COL18A1: variants seen among roughly 807,000 people sequenced by gnomAD.
The protein encoded by COL18A1 is collagen alpha-1(XVIII) chain.
COL18A1 carries 133 observed loss-of-function variants against 168.0 expected under a neutral mutation model. The ratio of observed to expected loss-of-function variants is 0.79; its 90% CI spans 0.69 to 0.91. COL18A1 has a LOEUF of 0.91. Among genes scored for constraint, COL18A1 ranks in the 40% least tolerant of loss-of-function variants. COL18A1 has a pLI of 0.00. For missense variants in COL18A1, 2,126 were observed against 1,925.4 expected (o/e 1.10, Z -1.95); for synonymous variants, 949 against 809.0 (o/e 1.17, Z -2.94).
chr21:45,503,466 A>T (rs2036975277), intron 32 of COL18A1, among the ~76,000 whole-genome samples: 1 of 151,834 alleles, frequency 6.6e-6, no homozygotes, highest in African/African-American at 2.4e-5. Flanking sequence ...ATAAAAAATG[A>T]TGAGTTCATG....
At chr21:45,497,408 C>T (rs1431386488) in intron 31 of COL18A1, among the ~76,000 whole-genome samples, 191 bp from the exon 32 acceptor site, 1 of 152,250 alleles carries the variant, frequency 6.6e-6, no homozygotes, top group African/African-American at 2.4e-5. Context: ...TGGCCTGGCC[C>T]CCACATGGCC....
Position 45,484,029 on chromosome 21 carries a change from A to G in COL18A1, c.1701+1208A>G, listed in dbSNP as rs547266385. ...ACCTCTCCAGCATATGTACACATGC[A>G]CACACACACCTCTCCAGCATATGTA... On this transcript the variant is annotated intron_variant, in intron 15 of 41. Coordinates refer to ENST00000651438, the MANE Select transcript of COL18A1 (RefSeq NM_001379500.1). Among the ~76,000 whole-genome samples, 19 of 130,700 alleles carry G rather than the reference A, an allele frequency of 1.5e-4. No individual in the cohort carries two copies. The South Asian group carries it at 4.1e-3, about 28-fold the overall frequency. The allele number at this position is 130,700 out of a possible 152,430, so 85.7% of individuals were successfully genotyped here. A position where few individuals can be genotyped will look rare whatever the true frequency, so the allele number is the denominator to read the frequency against.
At chr21:45,409,086 G>T (rs1042747933) in intron 2 of COL18A1, among the ~76,000 whole-genome samples, 6 of 152,194 alleles carry the variant, frequency 3.9e-5, no homozygotes, top group African/African-American at 1.2e-4. Flanking sequence ...CCCACCCCCG[G>T]CATGGGGCAC....
At chr21:45,495,313 A>T in intron 28 of COL18A1, 45 bp from the exon 29 acceptor site, 2 of 1,508,662 alleles carry the variant, frequency 1.3e-6, no homozygotes, top group Non-Finnish European at 9.1e-7. Context: ...GGTGTCTGGT[A>T]ATCATCAGTG....
chr21:45,504,416 G>C lies in COL18A1; in HGVS notation c.2728G>C (p.Gly910Arg), dbSNP rs767090801. Residue 910 changes from glycine (G) to arginine (R), a missense_variant and splice_region_variant, in exon 34 of 42, where the codon GGG (glycine) becomes CGG (arginine). Gly to Arg is a moderately radical substitution (Grantham distance 125). Coordinates refer to ENST00000651438, the MANE Select transcript of COL18A1 (RefSeq NM_001379500.1). ...DFLQLEAEMK[G>R]EKGDRGDAGQ... is the part of the protein sequence containing the mutation. ...GTGTAACAAGTGTTTCCGTCCACAG[G>C]GGGAGAAGGGAGACCGAGGTGATGC... 9.3e-6 allele frequency: 15 copies of C among 1,611,328 alleles called. No homozygotes were observed. The highest frequency in any genetic ancestry group is 2.2e-5 in the East Asian group (1 of 44,864).
Position 45,504,429 on chromosome 21 carries a change from A to G in COL18A1, c.2741A>G (p.Asp914Gly). 1 of 1,611,568 alleles carries G rather than the reference A, an allele frequency of 6.2e-7. No homozygotes were observed. Among genetic ancestry groups the G allele is most frequent in the East Asian group, 2.2e-5 (1 of 44,846 alleles). The change falls in exon 34 of 42, where the codon GAC (aspartate) becomes GGC (glycine). Residue 914 changes from aspartate (D) to glycine (G), a missense_variant. Transcript: ENST00000651438. ...LEAEMKGEKG[D>G]RGDAGQKGER... is the part of the protein sequence containing the mutation. ...TTCCGTCCACAGGGGGAGAAGGGAGACCGAGGTGATGCAGGACAGAAAGGC... is the reference window on the plus strand; with the variant it reads ...TTCCGTCCACAGGGGGAGAAGGGAGGCCGAGGTGATGCAGGACAGAAAGGC...
chr21:45,480,966 C>A, intron 13 of COL18A1, 108 bp downstream of exon 13: 1 of 1,438,834 alleles, frequency 7.0e-7, no homozygotes, highest in East Asian at 2.5e-5. Context: ...CCAGTCCCCG[C>A]CTCCTCACCT....
intron 36 of COL18A1, 72 bp downstream of exon 36, chr21:45,505,503 G>A: frequency 2.5e-6 from 2 of 815,532 alleles, no homozygotes; most frequent in Non-Finnish European, 4.1e-6. Context: ...CTGCCCCTCA[G>A]AGACACTCTC....
rs547371886 is a variant in COL18A1 at position 45,485,856 on chromosome 21, G to A, written c.1702-1005G>A. 2.8e-4 allele frequency among the ~76,000 whole-genome samples: 42 copies of A among 152,354 alleles called. 1 individual carries two copies. Among genetic ancestry groups the A allele is most frequent in the Middle Eastern group, 3.4e-3 (1 of 294 alleles). On this transcript the variant is annotated intron_variant, in intron 15 of 41. Transcript: ENST00000651438. ...GGGCCTGTGACCATATCAAGGCAGCGGGTCACATTCCTGCCCCATTTGTGG... is the reference window on the plus strand; with the variant it reads ...GGGCCTGTGACCATATCAAGGCAGCAGGTCACATTCCTGCCCCATTTGTGG...
intron 3 of COL18A1, 39 bp downstream of exon 3, chr21:45,468,825 CTGGGATGGGG>C: frequency 1.5e-6 from 1 of 651,690 alleles, no homozygotes; most frequent in Non-Finnish European, 2.6e-6. Flanking sequence ...ACTGGAGCAG[CTGGGATGGGG>C]TGGGGTGGGG....
rs1165171269 is a variant in COL18A1 at position 45,512,433 on chromosome 21, G to A, written c.*35G>A. ...GGATGCGGATGGCCGGAGAGGACCG[G>A]CGGCTCGGAGGAAGCCCCCACCGTG... On this transcript the variant is annotated 3_prime_UTR_variant, in exon 42 of 42. Transcript: ENST00000651438. The A allele has an allele frequency of 1.3e-6, 2 of 1,594,140 alleles. No individual in the cohort carries two copies. The highest frequency in any genetic ancestry group is 1.7e-6 in the Non-Finnish European group (2 of 1,171,016).
Position 45,509,403 on chromosome 21 carries a change from C to T in COL18A1, c.3297C>T (p.Asp1099=). The change falls in exon 39 of 42, where the codon GAC becomes GAT. Residue 1099 remains aspartate (D), a synonymous_variant. Transcript: ENST00000651438. The part of the protein sequence containing the change: ...ALQPPVVQLH[D]SNPYPRREHP... ...AGCCCCCCGTGGTGCAGCTGCACGACAGCAACCCCTACCCGCGGCGGGAGC... is the reference window on the plus strand; with the variant it reads ...AGCCCCCCGTGGTGCAGCTGCACGATAGCAACCCCTACCCGCGGCGGGAGC... 1 of 1,543,192 alleles carries T rather than the reference C, an allele frequency of 6.5e-7. No homozygotes were observed. The highest frequency in any genetic ancestry group is 8.7e-7 in the Non-Finnish European group (1 of 1,145,214).
Position 45,505,409 on chromosome 21 carries a change from GAACCATGGGC to G in COL18A1, c.3066_3075del (p.Thr1023ProfsTer5). On this transcript the variant is annotated frameshift_variant, in exon 36 of 42. Coordinates refer to ENST00000651438, the MANE Select transcript of COL18A1 (RefSeq NM_001379500.1). LOFTEE classifies it high-confidence loss of function. ...CCCCCTGGGCCCCCTGGGCCCCCTG[GAACCATGGGC>G]GCCTCCTCAGGGGTAAGTGTCTGGG... The G allele has an allele frequency of 6.3e-7, 1 of 1,576,572 alleles. No individual in the cohort carries two copies. Among genetic ancestry groups the G allele is most frequent in the Admixed American group, 1.7e-5 (1 of 57,728 alleles).
intron 2 of COL18A1, chr21:45,421,171 G>A (rs999653074): frequency 3.1e-5 from 11 of 349,998 alleles, no homozygotes; most frequent in South Asian, 1.3e-4. Flanking sequence ...CAGACGGACA[G>A]ACAGGCACTC....
rs886057133 is a variant in COL18A1, at chr21:45,510,226, G to A, written c.3658G>A (p.Ala1220Thr). 1.2e-6 allele frequency: 2 copies of A among 1,606,416 alleles called. No individual in the cohort carries two copies. Among genetic ancestry groups the A allele is most frequent in the Non-Finnish European group, 1.7e-6 (2 of 1,177,170 alleles). Residue 1220 changes from alanine (A) to threonine (T), a missense_variant, in exon 40 of 42, where the codon GCC (alanine) becomes ACC (threonine). By Grantham distance (58) the Ala-to-Thr change is moderately conservative (BLOSUM62 0). Transcript: ENST00000651438. ...GGACCTGTACAGCATCGTGCGCCGT[G>A]CCGACCGCGCAGCCGTGCCCATCGT... ...LQDLYSIVRR[A>T]DRAAVPIVNL...
At chr21:45,429,948 C>T (rs966624538) in intron 2 of COL18A1, among the ~76,000 whole-genome samples, 9 of 151,344 alleles carry the variant, frequency 5.9e-5, no homozygotes, top group African/African-American at 2.2e-4. Context: ...ATTGGGGACC[C>T]CCCGTCTCCC....
At chr21:45,483,925 T>A (rs1324296729) in intron 15 of COL18A1, among the ~76,000 whole-genome samples, 2 of 139,630 alleles carry the variant, frequency 1.4e-5, no homozygotes. Context: ...CCAGCATATG[T>A]ACACATGCAC....
At chr21:45,450,776 C>T (rs2145838030) in intron 2 of COL18A1, among the ~76,000 whole-genome samples, 1 of 152,280 alleles carries the variant, frequency 6.6e-6, no homozygotes, top group African/African-American at 2.4e-5. Flanking sequence ...GTGCATGTGA[C>T]CTCCCCACCG....
At chr21:45,510,412 G>T (rs780435678) in intron 40 of COL18A1, 151 bp downstream of exon 40, 27 of 897,880 alleles carry the variant, frequency 3.0e-5, no homozygotes, top group Non-Finnish European at 4.4e-5. Flanking sequence ...GGCAGGCTCC[G>T]GGTGGGTCAC....
Sources: allele counts gnomAD v4.1 joint callset (sites outside exome capture counted in the v4.1 genomes callset), GRCh38; gene constraint gnomAD v4.1.1; transcripts MANE v1.5; gene names NCBI Gene and HGNC (gene_info 2026-07-23, HGNC 2026-07-21).